The following SNHG17 variants were observed in gnomAD, a reference collection of about 807,000 sequenced individuals.
SNHG17 encodes small nucleolar RNA host gene 17 (non-protein coding).
exon 1 of SNHG17, chr20:38,435,271 G>A (rs934502992): frequency 8.1e-7 from 1 of 1,231,854 alleles, no homozygotes; most frequent in Non-Finnish European, 1.0e-6. Context: ...TGCAGATTTC[G>A]AGAGATGGGG....
At chr20:38,429,752 C>T in intron 3 of SNHG17, 1 of 517,140 alleles carries the variant, frequency 1.9e-6, no homozygotes. Flanking sequence ...CCTCTCCCTG[C>T]ACTACCAATG....
intron 5 of SNHG17, among the ~76,000 whole-genome samples, chr20:38,424,527 G>A (rs1568855761): frequency 6.6e-6 from 1 of 152,204 alleles, no homozygotes; most frequent in Non-Finnish European, 1.5e-5. Flanking sequence ...AATGGGATAA[G>A]CCTTGTCACC....
chr20:38,421,144 C>T lies in SNHG17; in HGVS notation n.735-46G>A, dbSNP rs367646205. The T allele has an allele frequency of 4.6e-5, 7 of 152,446 alleles. No individual in the cohort carries two copies. In the East Asian group the frequency reaches 1.2e-3, roughly 25 times the overall value. 9.4% of individuals were successfully genotyped at this position (152,446 alleles called of 1,614,324 possible). A position where few individuals can be genotyped will look rare whatever the true frequency, so the allele number is the denominator to read the frequency against. ...ACAAGTATTTAGTCTCCAGGGCCATCTCCTCCTCCCCAAGCTGACACCACT... is the reference window on the plus strand; with the variant it reads ...ACAAGTATTTAGTCTCCAGGGCCATTTCCTCCTCCCCAAGCTGACACCACT... On this transcript the variant is annotated intron_variant and non_coding_transcript_variant, in intron 6 of 8. Coordinates refer to ENST00000654008, the Ensembl canonical transcript of SNHG17.
rs765781057 is a variant in SNHG17 at position 38,426,995 on chromosome 20, T to TACACACACACACACACAC, written n.381-510_381-493dup. ...CCCTATCCTGTCCCCAAGTTACACA[T>TACACACACACACACACAC]ACACACACACACACACACACACACA... On this transcript the variant is annotated intron_variant and non_coding_transcript_variant, in intron 3 of 8. Transcript: ENST00000654008. Among the ~76,000 whole-genome samples the TACACACACACACACACAC allele has an allele frequency of 3.1e-3, 384 of 125,622 alleles. 4 individuals are homozygous for TACACACACACACACACAC. The highest frequency in any genetic ancestry group is 0.01 in the African/African-American group (365 of 35,146). 82.4% of individuals were successfully genotyped at this position (125,622 alleles called of 152,430 possible).
exon 1 of SNHG17, chr20:38,435,223 G>A (rs1425146221): frequency 2.4e-6 from 3 of 1,231,890 alleles, no homozygotes; most frequent in Non-Finnish European, 3.0e-6. Flanking sequence ...GAGTGGCGGC[G>A]GAGACCTGAC....
chr20:38,422,191 T>G lies in SNHG17; in HGVS notation n.630A>C, dbSNP rs377334767. On this transcript the variant is annotated non_coding_transcript_exon_variant, in exon 6 of 9. Transcript: ENST00000654008. ...AGAACGTGGAACCACGGGATACCACTTTCACCTTGCTTCCCCTACATCATC... is the reference window on the plus strand; with the variant it reads ...AGAACGTGGAACCACGGGATACCACGTTCACCTTGCTTCCCCTACATCATC... 17 of 152,404 alleles carry G rather than the reference T, an allele frequency of 1.1e-4. 1 individual carries two copies. Among genetic ancestry groups the G allele is most frequent in the African/African-American group, 3.8e-4 (16 of 41,580 alleles). The allele number at this position is 152,404 out of a possible 1,614,324, so 9.4% of individuals were successfully genotyped here. A position where few individuals can be genotyped will look rare whatever the true frequency, so the allele number is the denominator to read the frequency against.
At chr20:38,429,535 G>C (rs1305601020) in intron 3 of SNHG17, 1 of 299,442 alleles carries the variant, frequency 3.3e-6, no homozygotes, top group Non-Finnish European at 6.5e-6. Context: ...TCTGCTCCAT[G>C]AGGCCAAACC....
chr20:38,435,208 G>C, exon 1 of SNHG17: 2 of 1,232,052 alleles, frequency 1.6e-6, no homozygotes, highest in Non-Finnish European at 2.0e-6. Flanking sequence ...CGGCGCCCTG[G>C]CGTCGAGTGG....
At chr20:38,423,906 G>A (rs956312158) in intron 5 of SNHG17, among the ~76,000 whole-genome samples, 2 of 152,156 alleles carry the variant, frequency 1.3e-5, no homozygotes, top group African/African-American at 4.8e-5. Flanking sequence ...GGTGGCTCAC[G>A]CTTGTAATCC....
chr20:38,423,632 G>A (rs150264975), intron 5 of SNHG17, among the ~76,000 whole-genome samples: 2 of 151,472 alleles, frequency 1.3e-5, no homozygotes, highest in Non-Finnish European at 2.9e-5. Context: ...AGGAAATAGG[G>A]AGATGTAGGC....
At chr20:38,427,204 T>G in intron 3 of SNHG17, 3 of 336,562 alleles carry the variant, frequency 8.9e-6, no homozygotes, top group East Asian at 7.7e-5. Flanking sequence ...CAAAGAGAGG[T>G]CAAGCTGAGA....
chr20:38,433,493 A>G (rs2084371271), intron 2 of SNHG17, among the ~76,000 whole-genome samples: 1 of 152,168 alleles, frequency 6.6e-6, no homozygotes, highest in Non-Finnish European at 1.5e-5. Context: ...GCTATTTGGG[A>G]GGCTGAGGTG....
intron 2 of SNHG17, chr20:38,433,794 C>T: frequency 7.7e-6 from 4 of 518,756 alleles, no homozygotes; most frequent in South Asian, 5.6e-5. Flanking sequence ...CTGCACTGAG[C>T]CTTGCACAGG....
Position 38,426,258 on chromosome 20 carries a change from G to A in SNHG17, n.465+161C>T, listed in dbSNP as rs187862020. Among the ~76,000 whole-genome samples, 45 of 152,114 alleles carry A rather than the reference G, an allele frequency of 3.0e-4. No individual in the cohort carries two copies. In the East Asian group the frequency reaches 6.8e-3, roughly 23 times the overall value. On this transcript the variant is annotated intron_variant and non_coding_transcript_variant, in intron 4 of 8. Transcript: ENST00000654008. ...CCACCGTGATTCACACAGTGGAGTC[G>A]CAGAGTTCGAGGAAAAGAGGGTGTC...
intron 3 of SNHG17, chr20:38,427,566 C>G: frequency 3.8e-6 from 1 of 260,872 alleles, no homozygotes; most frequent in South Asian, 4.0e-5. Context: ...CCCATAAAAC[C>G]TAACCACCAA....
intron 5 of SNHG17, chr20:38,425,131 AGGTAAACAG>A: frequency 2.1e-6 from 1 of 472,768 alleles, no homozygotes; most frequent in Non-Finnish European, 4.3e-6. Context: ...ATCCCTAATG[AGGTAAACAG>A]GGGTCTGGCA....
intron 5 of SNHG17, among the ~76,000 whole-genome samples, chr20:38,424,378 CT>C (rs140052200): frequency 1.8e-4 from 28 of 152,102 alleles, no homozygotes; most frequent in African/African-American, 6.7e-4. Flanking sequence ...CCGATTACTA[CT>C]CTAGCCCTTG....
At chr20:38,423,498 A>T (rs552774457) in intron 5 of SNHG17, among the ~76,000 whole-genome samples, 2 of 148,888 alleles carry the variant, frequency 1.3e-5, no homozygotes, top group African/African-American at 4.9e-5. Context: ...ATGTTAAATG[A>T]AATAAGCTAG....
chr20:38,431,621 C>G (rs2084343559), intron 2 of SNHG17, among the ~76,000 whole-genome samples: 1 of 152,146 alleles, frequency 6.6e-6, no homozygotes, highest in Non-Finnish European at 1.5e-5. Flanking sequence ...ACGGTGTGAT[C>G]CTAAGAAAAA....
Sources: allele counts gnomAD v4.1 joint callset (sites outside exome capture counted in the v4.1 genomes callset), GRCh38; gene constraint gnomAD v4.1.1; transcripts MANE v1.5; gene names NCBI Gene and HGNC (gene_info 2026-07-23, HGNC 2026-07-21).